Variants in TBC1D22A observed in about 807,000 individuals in gnomAD.
The protein encoded by TBC1D22A is putative GTPase activator.
TBC1D22A carries 38 observed loss-of-function variants against 60.2 expected under a neutral mutation model. The observed-to-expected ratio is 0.63, with a 90% CI of 0.49 to 0.83. The LOEUF (loss-of-function observed/expected upper bound fraction) is 0.83. Ranked by LOEUF, TBC1D22A falls within the 40% of genes least tolerant of loss-of-function variation. The pLI is 0.00. For synonymous variants in TBC1D22A, 302 were observed against 281.7 expected, an observed-to-expected ratio of 1.07 and a Z score of -0.72; for missense variants, 628 against 701.0, an observed-to-expected ratio of 0.90 and a Z score of 1.18.
At position 47,146,551 on chromosome 22, in the gene TBC1D22A, C is replaced by T. The variant is rs747695793; in HGVS notation, c.1426-26947C>T. On this transcript the variant is annotated intron_variant, in intron 12 of 12. Coordinates refer to ENST00000337137, the MANE Select transcript of TBC1D22A (RefSeq NM_014346.5). The stretch of plus-strand genomic sequence containing the variant: ...CACCCATGGCACAACTCAATCTCCA[C>T]CCCAGGCAGCCGGCACCGATGCCGC... 5.5e-4 allele frequency among the ~76,000 whole-genome samples: 84 copies of T among 152,364 alleles called. 1 individual carries two copies. The highest frequency in any genetic ancestry group is 1.0e-3 in the Non-Finnish European group (70 of 68,028).
chr22:46,976,773 C>T (rs76120408), intron 9 of TBC1D22A, among the ~76,000 whole-genome samples: 1,931 of 152,310 alleles, frequency 0.013, 18 homozygotes, highest in Middle Eastern at 0.024. Context: ...AGCCCGGCCT[C>T]CACCAGTTGT....
At chr22:46,814,421 C>G (rs1390645889) in intron 4 of TBC1D22A, among the ~76,000 whole-genome samples, 1 of 152,190 alleles carries the variant, frequency 6.6e-6, no homozygotes, top group African/African-American at 2.4e-5. Context: ...TTAGGAATGT[C>G]TGAGTCCACT....
At chr22:46,773,281 C>T (rs1309331248) in intron 1 of TBC1D22A, among the ~76,000 whole-genome samples, 2 of 152,194 alleles carry the variant, frequency 1.3e-5, no homozygotes, top group African/African-American at 4.8e-5. Context: ...CGTGCTTGGC[C>T]CTGGGAGCAC....
chr22:46,805,177 G>A (rs2085074396), intron 4 of TBC1D22A, among the ~76,000 whole-genome samples: 1 of 152,212 alleles, frequency 6.6e-6, no homozygotes, highest in Non-Finnish European at 1.5e-5. Context: ...TCCTGTTCCA[G>A]TGACTGGCAC....
chr22:47,123,540 A>G (rs73887402), intron 12 of TBC1D22A, among the ~76,000 whole-genome samples: 3,139 of 152,320 alleles, frequency 0.021, 119 homozygotes, highest in African/African-American at 0.072. Context: ...TCAGGCCTCA[A>G]CCTGCCCATT....
intron 5 of TBC1D22A, among the ~76,000 whole-genome samples, chr22:46,884,194 G>A (rs893902980): frequency 1.3e-5 from 2 of 152,162 alleles, no homozygotes; most frequent in South Asian, 2.1e-4. Context: ...AAAAGGGCTG[G>A]GATCAGCTTG....
rs5769159 is a variant in TBC1D22A at position 46,795,782 on chromosome 22, C to G, written c.461-1662C>G. ...TGGGCTCTGCTCAGGAGTGAGCGGC[C>G]CCTTACGTGTCCTGATGAAACCACA... On this transcript the variant is annotated intron_variant, in intron 3 of 12. Coordinates refer to ENST00000337137, the MANE Select transcript of TBC1D22A (RefSeq NM_014346.5). 9.5e-4 allele frequency among the ~76,000 whole-genome samples: 144 copies of G among 152,282 alleles called. 2 individuals are homozygous for G. The East Asian group carries it at 0.026, about 28-fold the overall frequency.
intron 9 of TBC1D22A, 31 bp from the exon 10 acceptor site, chr22:46,997,603 C>T (rs777407275): frequency 6.4e-7 from 1 of 1,564,322 alleles, no homozygotes; most frequent in East Asian, 2.2e-5. Context: ...ATTTTATATG[C>T]ATATGATTCA....
intron 8 of TBC1D22A, chr22:46,913,198 G>T (rs1347094178): frequency 2.1e-6 from 1 of 476,042 alleles, no homozygotes; most frequent in South Asian, 2.1e-5. Flanking sequence ...TTTTTAATGC[G>T]TCTATGGATA....
chr22:46,906,899 T>G (rs2069520696), intron 7 of TBC1D22A, among the ~76,000 whole-genome samples: 1 of 152,016 alleles, frequency 6.6e-6, no homozygotes, highest in Non-Finnish European at 1.5e-5. Context: ...TGCGTGTGTA[T>G]ATGTGCGCAT....
chr22:47,167,969 CTAT>C (rs141733393), intron 12 of TBC1D22A, among the ~76,000 whole-genome samples: 3,823 of 152,286 alleles, frequency 0.025, 152 homozygotes, highest in African/African-American at 0.088. Context: ...GTTGCTATCA[CTAT>C]TATTATCCCA....
chr22:46,763,587 G>T (rs943398357), intron 1 of TBC1D22A, among the ~76,000 whole-genome samples: 11 of 151,874 alleles, frequency 7.2e-5, no homozygotes, highest in Admixed American at 6.6e-4. Context: ...GGTGAAAACA[G>T]ATCAGAGATA....
rs532300391 is a variant in TBC1D22A, at chr22:47,155,569, C to T, written c.1426-17929C>T. ...ACTGTGGACCAGTGACCATGTTGGGCAGATGGTTGCATCGTCACTGACAGA... is the reference window on the plus strand; with the variant it reads ...ACTGTGGACCAGTGACCATGTTGGGTAGATGGTTGCATCGTCACTGACAGA... On this transcript the variant is annotated intron_variant, in intron 12 of 12. Coordinates refer to ENST00000337137, the MANE Select transcript of TBC1D22A (RefSeq NM_014346.5). Among the ~76,000 whole-genome samples the T allele has an allele frequency of 9.2e-5, 14 of 152,230 alleles. No homozygotes were observed. The East Asian group carries it at 2.7e-3, about 29-fold the overall frequency.
At chr22:47,043,381 C>T (rs773720863) in intron 11 of TBC1D22A, among the ~76,000 whole-genome samples, 1 of 152,120 alleles carries the variant, frequency 6.6e-6, no homozygotes, top group South Asian at 2.1e-4. Flanking sequence ...ATGCGGCTGT[C>T]CCCGGGCTTG....
chr22:47,091,351 G>GT (rs2064959576), intron 11 of TBC1D22A, among the ~76,000 whole-genome samples: 1 of 82,612 alleles, frequency 1.2e-5, no homozygotes, highest in East Asian at 5.4e-4. Context: ...GTCGTCTTTG[G>GT]GGGGAGTGGC....
chr22:46,768,648 C>CA, intron 1 of TBC1D22A, among the ~76,000 whole-genome samples: 1 of 152,258 alleles, frequency 6.6e-6, no homozygotes, highest in East Asian at 1.9e-4. Flanking sequence ...AATGCCAAGA[C>CA]AAAATCACAG....
intron 8 of TBC1D22A, among the ~76,000 whole-genome samples, chr22:46,957,211 T>A (rs569789168): frequency 1.3e-5 from 2 of 152,180 alleles, no homozygotes; most frequent in Non-Finnish European, 2.9e-5. Flanking sequence ...TACAGCTGTT[T>A]GGAAATAAAA....
At chr22:47,014,550 A>T (rs995063796) in intron 10 of TBC1D22A, among the ~76,000 whole-genome samples, 2 of 152,160 alleles carry the variant, frequency 1.3e-5, no homozygotes, top group Non-Finnish European at 2.9e-5. Flanking sequence ...CGTTAAGCCT[A>T]CTGTCCCTAT....
intron 12 of TBC1D22A, among the ~76,000 whole-genome samples, chr22:47,113,454 G>A (rs2065921091): frequency 6.6e-6 from 1 of 152,140 alleles, no homozygotes; most frequent in Non-Finnish European, 1.5e-5. Context: ...GGGTGTGCCT[G>A]AAGCTGCAGG....
Sources: gnomAD v4.1 joint callset for allele counts (sites outside exome capture counted in the v4.1 genomes callset) on GRCh38, gnomAD v4.1.1 for gene constraint, MANE v1.5 for transcripts, NCBI Gene and HGNC (gene_info 2026-07-23, HGNC 2026-07-21) for gene names.